PARL: variants seen among roughly 807,000 people sequenced by gnomAD.
The protein encoded by PARL is presenilin associated rhomboid like.
Under a neutral mutation model 51.6 loss-of-function variants are expected in PARL, and 44 were observed. The observed-to-expected ratio is 0.85, with a 90% CI of 0.67 to 1.10. PARL has a LOEUF of 1.10. Among genes scored for constraint, PARL ranks in the 50% least tolerant of loss-of-function variants. The probability of loss-of-function intolerance (pLI) is 0.00; values close to 1 mark genes in which losing one functional copy is unlikely to be tolerated. For missense variants in PARL, 441 were observed against 469.5 expected, an observed-to-expected ratio of 0.94 and a Z score of 0.56; for synonymous variants, 172 against 164.0, an observed-to-expected ratio of 1.05 and a Z score of -0.37.
chr3:183,842,975 C>T (rs1368073321), intron 5 of PARL, among the ~76,000 whole-genome samples: 1 of 149,858 alleles, frequency 6.7e-6, no homozygotes, highest in Non-Finnish European at 1.5e-5. Context: ...AGTTGAGGCT[C>T]AAGGGCTCAA....
chr3:183,836,681 A>G (rs987518196), intron 7 of PARL, among the ~76,000 whole-genome samples: 32 of 152,324 alleles, frequency 2.1e-4, no homozygotes, highest in African/African-American at 7.5e-4. Context: ...TTCTCCATCA[A>G]TATTTTTATG....
chr3:183,851,103 C>A (rs1730499828), intron 4 of PARL, among the ~76,000 whole-genome samples: 1 of 152,184 alleles, frequency 6.6e-6, no homozygotes, highest in Non-Finnish European at 1.5e-5. Context: ...GCCATAAGCA[C>A]AGAATGAGTT....
At chr3:183,873,114 T>A (rs528529005) in intron 1 of PARL, among the ~76,000 whole-genome samples, 55 of 152,238 alleles carry the variant, frequency 3.6e-4, no homozygotes, top group Non-Finnish European at 5.1e-4. Context: ...ATAGGTCTAG[T>A]AAGTAAAGTC....
chr3:183,866,538 T>C (rs1308623933), intron 3 of PARL, 87 bp downstream of exon 3: 7 of 1,043,172 alleles, frequency 6.7e-6, no homozygotes, highest in Non-Finnish European at 1.1e-5. Context: ...GAATGCATCA[T>C]GTACACTGAA....
intron 4 of PARL, among the ~76,000 whole-genome samples, chr3:183,848,763 T>C (rs1026446145): frequency 6.6e-6 from 1 of 152,188 alleles, no homozygotes; most frequent in African/African-American, 2.4e-5. Flanking sequence ...GGTAAGTGTT[T>C]TAAGTTTGAG....
intron 1 of PARL, among the ~76,000 whole-genome samples, chr3:183,882,762 G>A (rs1317668631): frequency 6.6e-6 from 1 of 152,012 alleles, no homozygotes. Context: ...CTGGTGGGCC[G>A]CCTTGGGCCT....
intron 1 of PARL, chr3:183,879,647 A>C (rs1050798166): frequency 1.1e-5 from 6 of 567,316 alleles, no homozygotes; most frequent in Non-Finnish European, 1.3e-5. Flanking sequence ...GGATGCTTTT[A>C]GATGTAGTAT....
chr3:183,829,761 GTAAGT>G (rs778723777), intron 9 of PARL, 52 bp from the exon 10 acceptor site: 2 of 1,412,230 alleles, frequency 1.4e-6, no homozygotes, highest in Non-Finnish European at 2.0e-6. Flanking sequence ...CATACAAATG[GTAAGT>G]AGCATGGTGA....
intron 4 of PARL, among the ~76,000 whole-genome samples, chr3:183,855,921 ATTCTAGCCTGGGTGAC>A (rs1731094652): frequency 1.3e-5 from 2 of 151,080 alleles, no homozygotes; most frequent in Non-Finnish European, 2.9e-5. Flanking sequence ...ACACCACTAC[ATTCTAGCCTGGGTGAC>A]AGAGCAAGAC....
At chr3:183,829,028 CTTAAT>C (rs540013990), downstream of PARL, among the ~76,000 whole-genome samples, 46 of 152,342 alleles carry the variant, frequency 3.0e-4, no homozygotes, top group East Asian at 1.3e-3. Context: ...CTTTCTACCT[CTTAAT>C]TTATCTACAA....
chr3:183,833,529 C>A lies in PARL; in HGVS notation c.991G>T (p.Asp331Tyr). 1.2e-6 allele frequency: 2 copies of A among 1,613,744 alleles called. No homozygotes were observed. Among genetic ancestry groups the A allele is most frequent in the East Asian group, 2.2e-5 (1 of 44,870 alleles). Residue 331 changes from aspartate (D) to tyrosine (Y), a missense_variant, in exon 9 of 10, where the codon GAT becomes TAT. Coordinates refer to ENST00000317096, the MANE Select transcript of PARL (RefSeq NM_018622.7). The part of the protein sequence containing the change: ...AGMILGWKFF[D>Y]HAAHLGGALF... ...GCTCCCCCAAGATGTGCCGCATGATCAAAAAATTTCCATCCCAGGATCATT... is the reference window on the plus strand; with the variant it reads ...GCTCCCCCAAGATGTGCCGCATGATAAAAAAATTTCCATCCCAGGATCATT...
At chr3:183,840,782 C>G in intron 6 of PARL, 142 bp from the exon 7 acceptor site, 4 of 587,194 alleles carry the variant, frequency 6.8e-6, no homozygotes, top group Non-Finnish European at 1.2e-5. Context: ...AATTTTGGCT[C>G]ACTGCAACCT....
intron 4 of PARL, among the ~76,000 whole-genome samples, chr3:183,847,035 C>T (rs567401644): frequency 6.6e-6 from 1 of 152,276 alleles, no homozygotes; most frequent in South Asian, 2.1e-4. Context: ...CACATAAAAA[C>T]GGCTTCCTTG....
intron 7 of PARL, among the ~76,000 whole-genome samples, chr3:183,837,666 A>AC (rs542850540): frequency 3.3e-5 from 5 of 152,108 alleles, no homozygotes; most frequent in Non-Finnish European, 7.4e-5. Flanking sequence ...GAGTCACGGC[A>AC]CCCCCTCTCC....
intron 4 of PARL, among the ~76,000 whole-genome samples, chr3:183,846,261 A>C (rs1272294040): frequency 6.6e-6 from 1 of 152,184 alleles, no homozygotes; most frequent in Non-Finnish European, 1.5e-5. Flanking sequence ...TGGGAGGCTG[A>C]GGCGGACGGA....
intron 4 of PARL, among the ~76,000 whole-genome samples, chr3:183,845,282 T>C (rs1729815807): frequency 6.6e-6 from 1 of 152,164 alleles, no homozygotes; most frequent in South Asian, 2.1e-4. Flanking sequence ...CAGTTGCTCA[T>C]TCTGTAAGGT....
intron 9 of PARL, among the ~76,000 whole-genome samples, chr3:183,830,640 T>C (rs961299218): frequency 1.3e-5 from 2 of 152,188 alleles, no homozygotes; most frequent in African/African-American, 4.8e-5. Context: ...TTTGTTATCT[T>C]GCATCGAGCT....
intron 9 of PARL, among the ~76,000 whole-genome samples, chr3:183,832,784 C>T (rs1221554565): frequency 1.3e-5 from 2 of 152,124 alleles, no homozygotes; most frequent in African/African-American, 4.8e-5. Flanking sequence ...AACCACAATG[C>T]CATTTGCTGT....
chr3:183,882,287 A>T (rs1425093348), intron 1 of PARL, among the ~76,000 whole-genome samples: 1 of 113,136 alleles, frequency 8.8e-6, no homozygotes, highest in African/African-American at 3.2e-5. Context: ...ATATATACAC[A>T]CACACATATA....
Sources: allele counts gnomAD v4.1 joint callset (sites outside exome capture counted in the v4.1 genomes callset), GRCh38; gene constraint gnomAD v4.1.1; transcripts MANE v1.5; gene names NCBI Gene and HGNC (gene_info 2026-07-23, HGNC 2026-07-21).